The following MAML3 variants were observed in gnomAD, a reference collection of about 807,000 sequenced individuals.
MAML3 encodes the protein mastermind like transcriptional coactivator 3, also known as mastermind-like protein 3.
MAML3 carries 27 observed loss-of-function variants against 101.9 expected under a neutral mutation model. The observed-to-expected ratio is 0.27, with a 90% CI of 0.20 to 0.37. The LOEUF is 0.37. Ranked by LOEUF, MAML3 falls within the 10% of genes least tolerant of loss-of-function variation. The probability of loss-of-function intolerance (pLI) is 1.00; values close to 1 mark genes in which losing one functional copy is unlikely to be tolerated. For synonymous variants in MAML3, 501 were observed against 555.9 expected, an observed-to-expected ratio of 0.90 and a Z score of 1.39; for missense variants, 1,316 against 1,444.9, an observed-to-expected ratio of 0.91 and a Z score of 1.45.
chr4:139,916,925 A>G (rs1289207920), intron 1 of MAML3, among the ~76,000 whole-genome samples: 2 of 152,202 alleles, frequency 1.3e-5, no homozygotes, highest in Non-Finnish European at 2.9e-5. Flanking sequence ...CCATAATAAA[A>G]TATAGAGATA....
chr4:139,967,222 G>A (rs1420816937), intron 1 of MAML3, among the ~76,000 whole-genome samples: 2 of 152,112 alleles, frequency 1.3e-5, no homozygotes, highest in African/African-American at 4.8e-5. Context: ...TGATGAAAAG[G>A]AGGAGTTATA....
chr4:139,824,161 G>A (rs889945022), intron 2 of MAML3, among the ~76,000 whole-genome samples: 2 of 152,168 alleles, frequency 1.3e-5, no homozygotes, highest in African/African-American at 4.8e-5. Context: ...TATTTCAGAA[G>A]GAAATAAGCC....
intron 2 of MAML3, among the ~76,000 whole-genome samples, chr4:139,809,865 TACACACACACACAC>T (rs71584333): frequency 1.4e-5 from 2 of 142,948 alleles, no homozygotes; most frequent in Admixed American, 7.0e-5. Context: ...TACCTGCACG[TACACACACACACAC>T]ACACACACAC....
chr4:139,800,193 T>C (rs1335195159), intron 2 of MAML3, among the ~76,000 whole-genome samples: 1 of 152,162 alleles, frequency 6.6e-6, no homozygotes, highest in Non-Finnish European at 1.5e-5. Flanking sequence ...GAAGTAAATA[T>C]TCTTGAATGT....
chr4:139,737,395 C>T (rs1728988188), intron 2 of MAML3, among the ~76,000 whole-genome samples: 1 of 151,042 alleles, frequency 6.6e-6, no homozygotes, highest in African/African-American at 2.4e-5. Context: ...GACTTTTCCA[C>T]TGACCATAAC....
chr4:139,894,392 C>T (rs943975637), intron 1 of MAML3, among the ~76,000 whole-genome samples: 1 of 152,054 alleles, frequency 6.6e-6, no homozygotes, highest in African/African-American at 2.4e-5. Context: ...CCTGTATAGT[C>T]CCAGCTACTC....
At chr4:140,026,111 T>C (rs1726819003) in intron 1 of MAML3, among the ~76,000 whole-genome samples, 1 of 152,134 alleles carries the variant, frequency 6.6e-6, no homozygotes, top group Non-Finnish European at 1.5e-5. Context: ...GAACCTCGAT[T>C]TTTTTTTCCA....
chr4:139,744,151 G>C (rs1212191605), intron 2 of MAML3, among the ~76,000 whole-genome samples: 3 of 152,234 alleles, frequency 2.0e-5, no homozygotes, highest in Non-Finnish European at 2.9e-5. Context: ...TCTGCTAAGA[G>C]ACTTAGATAA....
intron 2 of MAML3, among the ~76,000 whole-genome samples, chr4:139,793,717 C>T (rs978209272): frequency 2.6e-5 from 4 of 152,328 alleles, no homozygotes; most frequent in African/African-American, 9.6e-5. Context: ...ACCTAACTTA[C>T]ACACTATCTG....
chr4:139,846,633 C>T (rs1731455587), intron 2 of MAML3, among the ~76,000 whole-genome samples: 2 of 152,210 alleles, frequency 1.3e-5, no homozygotes, highest in Admixed American at 6.5e-5. Flanking sequence ...CAGACGTGAG[C>T]CACCATGCCC....
intron 1 of MAML3, among the ~76,000 whole-genome samples, chr4:139,923,814 G>T (rs1207527505): frequency 6.6e-6 from 1 of 152,056 alleles, no homozygotes; most frequent in African/African-American, 2.4e-5. Context: ...TTACAGATCT[G>T]CTGTTTGTCT....
intron 1 of MAML3, among the ~76,000 whole-genome samples, chr4:140,136,185 T>C (rs1034503871): frequency 6.6e-6 from 1 of 152,164 alleles, no homozygotes; most frequent in Non-Finnish European, 1.5e-5. Context: ...AATTCCCTAG[T>C]TCATGTGTAG....
intron 1 of MAML3, among the ~76,000 whole-genome samples, chr4:140,004,754 C>G (rs1332671900): frequency 6.6e-6 from 1 of 152,140 alleles, no homozygotes; most frequent in Non-Finnish European, 1.5e-5. Context: ...GACCCGCTCT[C>G]CCTGCCAGCC....
intron 2 of MAML3, among the ~76,000 whole-genome samples, chr4:139,789,666 C>T (rs1730367647): frequency 6.6e-6 from 1 of 151,830 alleles, no homozygotes; most frequent in African/African-American, 2.4e-5. Flanking sequence ...AGTCTTCTGA[C>T]CAAAGAAGTG....
chr4:139,732,996 T>C (rs1304377176), intron 2 of MAML3, among the ~76,000 whole-genome samples: 1 of 152,240 alleles, frequency 6.6e-6, no homozygotes. Context: ...CCAAAAAGTT[T>C]ACTTCAGGAC....
chr4:139,729,680 G>T (rs570787818), intron 3 of MAML3, among the ~76,000 whole-genome samples: 1 of 152,286 alleles, frequency 6.6e-6, no homozygotes, highest in East Asian at 1.9e-4. Flanking sequence ...GCTAAGTCAG[G>T]TATGGGCATC....
intron 2 of MAML3, among the ~76,000 whole-genome samples, chr4:139,792,505 TGGCA>T (rs1408787112): frequency 6.6e-6 from 1 of 152,214 alleles, no homozygotes; most frequent in Non-Finnish European, 1.5e-5. Flanking sequence ...TTAACCACCA[TGGCA>T]TAGCTATTCT....
At chr4:139,732,608 T>C (rs1468102781) in intron 2 of MAML3, among the ~76,000 whole-genome samples, 2 of 152,146 alleles carry the variant, frequency 1.3e-5, no homozygotes, top group African/African-American at 2.4e-5. Flanking sequence ...ATAGCTTGTC[T>C]TTACTTTTTT....
chr4:140,076,081 G>T (rs1210974405), intron 1 of MAML3, among the ~76,000 whole-genome samples: 1 of 151,724 alleles, frequency 6.6e-6, no homozygotes, highest in Non-Finnish European at 1.5e-5. Context: ...TGCCCAGGCT[G>T]GTCTTAAACA....
Sources: gnomAD v4.1 joint callset for allele counts (sites outside exome capture counted in the v4.1 genomes callset) on GRCh38, gnomAD v4.1.1 for gene constraint, MANE v1.5 for transcripts, NCBI Gene and HGNC (gene_info 2026-07-23, HGNC 2026-07-21) for gene names.